CCSER1: variants seen among roughly 807,000 people sequenced by gnomAD.
CCSER1 encodes the protein coiled-coil serine rich protein 1.
A neutral mutation model predicts 82.0 loss-of-function variants in CCSER1; 41 were observed. The ratio of observed to expected loss-of-function variants is 0.50; its 90% CI spans 0.39 to 0.65. The LOEUF is 0.65. Ranked by LOEUF, CCSER1 falls within the 30% of genes least tolerant of loss-of-function variation. CCSER1 has a pLI of 0.00. For missense variants in CCSER1, 1,119 were observed against 1,064.2 expected, an observed-to-expected ratio of 1.05 and a Z score of -0.72; for synonymous variants, 414 against 383.9, an observed-to-expected ratio of 1.08 and a Z score of -0.92.
In CCSER1 at chr4:91,314,293, G is replaced by A. The variant is rs148119402; in HGVS notation, c.2217+228299G>A. Among the ~76,000 whole-genome samples the A allele has an allele frequency of 3.3e-5, 5 of 151,882 alleles. No homozygotes were observed. In the East Asian group the frequency reaches 9.8e-4, roughly 30 times the overall value. ...AATCACTATTCTTGCCTCCATTTTT[G>A]CTTTGACTTGGTTGCTGCTTTCCCC... On this transcript the variant is annotated intron_variant, in intron 10 of 10. Transcript: ENST00000509176.
chr4:90,356,043 T>G (rs925380386), intron 3 of CCSER1, among the ~76,000 whole-genome samples: 1 of 151,960 alleles, frequency 6.6e-6, no homozygotes, highest in Non-Finnish European at 1.5e-5. Flanking sequence ...TATCATTTGA[T>G]TCACTTGACA....
At chr4:90,561,855 T>G (rs2153647845) in intron 5 of CCSER1, among the ~76,000 whole-genome samples, 1 of 152,238 alleles carries the variant, frequency 6.6e-6, no homozygotes, top group East Asian at 1.9e-4. Context: ...ATGATATAAC[T>G]AATAATAATC....
intron 6 of CCSER1, among the ~76,000 whole-genome samples, chr4:90,686,414 C>T (rs1476115229): frequency 6.6e-6 from 1 of 151,870 alleles, no homozygotes; most frequent in African/African-American, 2.4e-5. Context: ...TGTAGGATTT[C>T]TTTTTACTTT....
chr4:91,228,789 G>A (rs1738403930), intron 10 of CCSER1, among the ~76,000 whole-genome samples: 1 of 152,114 alleles, frequency 6.6e-6, no homozygotes, highest in African/African-American at 2.4e-5. Flanking sequence ...AATATAGTCT[G>A]TGTGTATCAA....
intron 10 of CCSER1, among the ~76,000 whole-genome samples, chr4:91,242,526 G>A (rs935996328): frequency 6.6e-6 from 1 of 152,060 alleles, no homozygotes; most frequent in African/African-American, 2.4e-5. Context: ...AATGTAAAAT[G>A]CAGAACTTTA....
intron 10 of CCSER1, among the ~76,000 whole-genome samples, chr4:91,297,764 C>A (rs931544798): frequency 2.6e-5 from 4 of 151,650 alleles, no homozygotes; most frequent in African/African-American, 9.7e-5. Context: ...AGACAGCCAA[C>A]CAACAAATGA....
Position 90,414,477 on chromosome 4 carries a change from A to G in CCSER1, c.1603+14348A>G, listed in dbSNP as rs973905146. On this transcript the variant is annotated intron_variant, in intron 4 of 10. Transcript: ENST00000509176. ...TTATTGTTTCTCCTTTAAATAAATA[A>G]TTTATAAAGCATATATGATCAAGCA... 5.9e-5 allele frequency among the ~76,000 whole-genome samples: 9 copies of G among 152,262 alleles called. 1 individual carries two copies. Among genetic ancestry groups the G allele is most frequent in the Non-Finnish European group, 1.2e-4 (8 of 67,988 alleles).
intron 7 of CCSER1, among the ~76,000 whole-genome samples, chr4:90,792,442 C>A (rs1009699793): frequency 1.3e-5 from 2 of 152,138 alleles, no homozygotes; most frequent in Non-Finnish European, 2.9e-5. Context: ...CCAAGCACTG[C>A]CCAATGTTAT....
intron 4 of CCSER1, among the ~76,000 whole-genome samples, chr4:90,422,260 A>T (rs1756808064): frequency 6.6e-6 from 1 of 152,190 alleles, no homozygotes; most frequent in Non-Finnish European, 1.5e-5. Flanking sequence ...CTCCTTGGCC[A>T]GTGGCCAAGA....
rs1721031793 is a variant in CCSER1, at chr4:90,879,852, A to C, written c.2095-43518A>C. Among the ~76,000 whole-genome samples, 6 of 152,158 alleles carry C rather than the reference A, an allele frequency of 3.9e-5. No homozygotes were observed. The South Asian group carries it at 1.2e-3, about 32-fold the overall frequency. Reference sequence around the variant, plus strand: ...GTTCCTTTAACTGCAATATAGATTGAGTCAATAGATACAGTATAGATGCAG... The same window carrying C: ...GTTCCTTTAACTGCAATATAGATTGCGTCAATAGATACAGTATAGATGCAG... On this transcript the variant is annotated intron_variant, in intron 8 of 10. Coordinates refer to ENST00000509176, the MANE Select transcript of CCSER1 (RefSeq NM_001145065.2).
intron 9 of CCSER1, among the ~76,000 whole-genome samples, chr4:91,023,404 C>G (rs1740190391): frequency 1.3e-5 from 2 of 152,154 alleles, no homozygotes; most frequent in African/African-American, 2.4e-5. Context: ...TGACTTCAAA[C>G]TATACTACAA....
At chr4:90,923,108 A>G (rs971744470) in intron 8 of CCSER1, among the ~76,000 whole-genome samples, 1 of 152,206 alleles carries the variant, frequency 6.6e-6, no homozygotes, top group Admixed American at 6.5e-5. Flanking sequence ...GGATTTAAGC[A>G]CATTATGACT....
chr4:91,479,313 T>C (rs2110037663), intron 10 of CCSER1, among the ~76,000 whole-genome samples: 1 of 151,994 alleles, frequency 6.6e-6, no homozygotes, highest in Middle Eastern at 3.4e-3. Flanking sequence ...AGTTAAAGCT[T>C]CTGTACATTA....
chr4:91,073,004 A>G (rs143871929), intron 9 of CCSER1, among the ~76,000 whole-genome samples: 1 of 152,182 alleles, frequency 6.6e-6, no homozygotes, highest in African/African-American at 2.4e-5. Flanking sequence ...CAAAGACAGA[A>G]CCTTAAAAGT....
intron 6 of CCSER1, among the ~76,000 whole-genome samples, chr4:90,695,470 A>G (rs1238772583): frequency 6.6e-6 from 1 of 152,046 alleles, no homozygotes; most frequent in African/African-American, 2.4e-5. Context: ...AGCCCTCATT[A>G]TTACTTTACT....
chr4:90,697,632 C>A lies in CCSER1; in HGVS notation c.1933-26282C>A, dbSNP rs1461787125. Among the ~76,000 whole-genome samples, 5 of 152,246 alleles carry A rather than the reference C, an allele frequency of 3.3e-5. No individual in the cohort carries two copies. The East Asian group carries it at 7.7e-4, about 24-fold the overall frequency. ...CTATCCGCATAAACCTTTAGTGAGT[C>A]TTTCAAAAGATATGACCAAGTCCAA... On this transcript the variant is annotated intron_variant, in intron 6 of 10. Transcript: ENST00000509176.
intron 4 of CCSER1, among the ~76,000 whole-genome samples, chr4:90,466,452 T>C (rs576390172): frequency 3.6e-4 from 55 of 152,172 alleles, no homozygotes; most frequent in Non-Finnish European, 7.4e-4. Context: ...GTAAATTCTG[T>C]GAACCTGAGT....
chr4:91,156,862 C>A (rs34986002), intron 10 of CCSER1, among the ~76,000 whole-genome samples: 1 of 151,910 alleles, frequency 6.6e-6, no homozygotes, highest in Non-Finnish European at 1.5e-5. Flanking sequence ...CCTTTTCCTG[C>A]ATTTTCACCT....
intron 10 of CCSER1, among the ~76,000 whole-genome samples, chr4:91,376,705 ATGT>A (rs777445259): frequency 2.0e-5 from 3 of 152,206 alleles, no homozygotes; most frequent in Non-Finnish European, 4.4e-5. Context: ...ATTGTATTTG[ATGT>A]TGTGAAGAAA....
Sources: allele counts gnomAD v4.1 joint callset (sites outside exome capture counted in the v4.1 genomes callset), GRCh38; gene constraint gnomAD v4.1.1; transcripts MANE v1.5; gene names NCBI Gene and HGNC (gene_info 2026-07-23, HGNC 2026-07-21).